ADGRG1: variants seen among roughly 807,000 people sequenced by gnomAD.
ADGRG1 encodes 7-transmembrane protein with no EGF-like N-terminal domains-1.
A neutral mutation model predicts 73.5 loss-of-function variants in ADGRG1; 53 were observed. That is an observed-to-expected ratio of 0.72 (90% CI 0.58 to 0.91). The LOEUF is 0.91. Among genes scored for constraint, ADGRG1 ranks in the 40% least tolerant of loss-of-function variants. The probability of loss-of-function intolerance (pLI) is 0.00; values close to 1 mark genes in which losing one functional copy is unlikely to be tolerated. For missense variants in ADGRG1, 795 were observed against 871.8 expected (o/e 0.91, Z 1.11); for synonymous variants, 394 against 374.4 (o/e 1.05, Z -0.60).
At position 57,663,608 on chromosome 16, in the gene ADGRG1, T is replaced by TGAAGCAGA; in HGVS notation, c.*29_*36dup. 6.2e-7 allele frequency: 1 copy of TGAAGCAGA among 1,610,446 alleles called. No individual in the cohort carries two copies. The highest frequency in any genetic ancestry group is 8.5e-7 in the Non-Finnish European group (1 of 1,179,488). ...GCCTCCAGCCCACCTGCCCATGTGA[T>TGAAGCAGA]GAAGCAGAGATTCGGCCTCGTCGCA... On this transcript the variant is annotated 3_prime_UTR_variant, in exon 14 of 14. Transcript: ENST00000562631.
At chr16:57,626,491 C>T (rs2035845175), upstream of ADGRG1, 1 of 613,074 alleles carries the variant, frequency 1.6e-6, no homozygotes. Flanking sequence ...GGGCCTGCTT[C>T]CTCACCTGCC....
chr16:57,622,667 G>C (rs1206686083), intron 2 of ADGRG1: 1 of 574,792 alleles, frequency 1.7e-6, no homozygotes, highest in Admixed American at 6.3e-5. Flanking sequence ...CTGGGGGCAG[G>C]GGTATGGCCA....
At chr16:57,627,691 C>T (rs1291521935), upstream of ADGRG1, 33 of 632,170 alleles carry the variant, frequency 5.2e-5, no homozygotes, top group Non-Finnish European at 6.3e-5. Flanking sequence ...GTAAAAGCCT[C>T]CCAGCACATC....
chr16:57,643,959 A>G (rs1473383347), intron 1 of ADGRG1: 5 of 984,782 alleles, frequency 5.1e-6, no homozygotes, highest in Non-Finnish European at 6.0e-6. Flanking sequence ...AGGGGTGTCT[A>G]CTTTGAGCTG....
intron 1 of ADGRG1, chr16:57,631,804 C>A (rs1484347319): frequency 1.0e-6 from 1 of 985,352 alleles, no homozygotes; most frequent in African/African-American, 1.7e-5. Flanking sequence ...GAGACCCTGC[C>A]CCTCCTCCTG....
At chr16:57,641,457 G>T (rs1180368313) in intron 1 of ADGRG1, 2 of 984,210 alleles carry the variant, frequency 2.0e-6, no homozygotes, top group Non-Finnish European at 2.4e-6. Flanking sequence ...CGGACTGCTG[G>T]CTCTTTGGCT....
At chr16:57,655,334 T>G in intron 5 of ADGRG1, 65 bp from the exon 6 acceptor site, 5 of 1,573,094 alleles carry the variant, frequency 3.2e-6, no homozygotes, top group Non-Finnish European at 3.5e-6. Flanking sequence ...TGTGTGTGTG[T>G]GCTAGGGTGG....
rs1292402396 is a variant in ADGRG1, at chr16:57,659,659, C to T, written c.1533C>T (p.Leu511=). Residue 511 remains leucine, a synonymous_variant, in exon 11 of 14, where the codon CTC becomes CTT. Transcript: ENST00000562631. ...VFGTYVPGYL[L]KLSAMGWGFP... ...GCACCTATGTCCCTGGCTACCTACTCAAGCTGAGCGCCATGGGCTGGGGTA... is the reference window on the plus strand; with the variant it reads ...GCACCTATGTCCCTGGCTACCTACTTAAGCTGAGCGCCATGGGCTGGGGTA... 2 of 1,613,948 alleles carry T rather than the reference C, an allele frequency of 1.2e-6. No individual in the cohort carries two copies. The highest frequency in any genetic ancestry group is 1.7e-6 in the Non-Finnish European group (2 of 1,180,014).
Position 57,663,682 on chromosome 16 carries a change from C to T in ADGRG1, c.*100C>T. ...GGCCCAGCCCCAGGCCAGTCAGCCG[C>T]AGACTTTGGAAAGCCCAACGACCAT... On this transcript the variant is annotated 3_prime_UTR_variant, in exon 14 of 14. Coordinates refer to ENST00000562631, the MANE Select transcript of ADGRG1 (RefSeq NM_201525.4). 2 of 1,381,268 alleles carry T rather than the reference C, an allele frequency of 1.4e-6. No individual in the cohort carries two copies. Among genetic ancestry groups the T allele is most frequent in the Non-Finnish European group, 2.0e-6 (2 of 985,700 alleles). 85.6% of individuals were successfully genotyped at this position (1,381,268 alleles called of 1,614,324 possible).
intron 1 of ADGRG1, chr16:57,635,288 T>C: frequency 1.0e-6 from 1 of 985,082 alleles, no homozygotes; most frequent in Non-Finnish European, 1.2e-6. Flanking sequence ...TCCTATGCCA[T>C]GGCTGTCCTG....
At chr16:57,658,559 C>T (rs920935962) in intron 10 of ADGRG1, among the ~76,000 whole-genome samples, 1 of 152,214 alleles carries the variant, frequency 6.6e-6, no homozygotes, top group African/African-American at 2.4e-5. Context: ...TGTGTGTGCA[C>T]AGCTGTGTAC....
chr16:57,635,249 C>T (rs1456039617), intron 1 of ADGRG1: 22 of 985,210 alleles, frequency 2.2e-5, no homozygotes, highest in African/African-American at 1.0e-4. Context: ...AAGAAACCCT[C>T]GTGCACAGCT....
chr16:57,631,855 G>A (rs1044598106), intron 1 of ADGRG1: 1 of 982,262 alleles, frequency 1.0e-6, no homozygotes, highest in African/African-American at 1.7e-5. Flanking sequence ...GCCCCCAGGG[G>A]AGCCCTGTAG....
At chr16:57,639,338 G>A (rs984457511) in intron 1 of ADGRG1, 2 of 985,414 alleles carry the variant, frequency 2.0e-6, no homozygotes, top group African/African-American at 3.5e-5. Context: ...GCTTTGCTGG[G>A]TCTGAGCCGG....
At chr16:57,660,908 G>A (rs750132005) in intron 12 of ADGRG1, 32 bp downstream of exon 12, 1 of 1,303,272 alleles carries the variant, frequency 7.7e-7, no homozygotes. Flanking sequence ...GGGCAAGAAG[G>A]TGGGTCTCTG....
chr16:57,646,479 C>G (rs1223650429), intron 1 of ADGRG1: 2 of 985,340 alleles, frequency 2.0e-6, no homozygotes, highest in South Asian at 9.4e-5. Context: ...CTGTTCTGTC[C>G]TGTGTGTGTT....
intron 1 of ADGRG1, chr16:57,629,911 T>G: frequency 1.6e-5 from 10 of 628,466 alleles, no homozygotes; most frequent in Non-Finnish European, 2.0e-5. Context: ...AGAGGTCTGA[T>G]GTTCATTTTA....
intron 1 of ADGRG1, chr16:57,647,890 C>G (rs1388505453): frequency 2.7e-6 from 1 of 377,150 alleles, no homozygotes; most frequent in Admixed American, 6.4e-5. Context: ...AGCTCTCTAC[C>G]TGTACTCCCC....
In ADGRG1 at chr16:57,628,915, AGAGTGAGTGT is replaced by A. The variant is rs1567667872; in HGVS notation, c.-36+119_-36+128del. The A allele has an allele frequency of 1.1e-4, 88 of 796,790 alleles. 2 individuals carry two copies. Among genetic ancestry groups the A allele is most frequent in the South Asian group, 4.8e-4 (8 of 16,798 alleles). The allele number at this position is 796,790 out of a possible 1,614,324, so 49.4% of individuals were successfully genotyped here. On this transcript the variant is annotated intron_variant, in intron 1 of 13. Coordinates refer to ENST00000562631, the MANE Select transcript of ADGRG1 (RefSeq NM_201525.4). ...GTGAGTGTGTGAGTGTGAGTGTGTG[AGAGTGAGTGT>A]GAGTGTGAGTGTGAGCGTGAGAGTG...
Sources: allele counts gnomAD v4.1 joint callset (sites outside exome capture counted in the v4.1 genomes callset), GRCh38; gene constraint gnomAD v4.1.1; transcripts MANE v1.5; gene names NCBI Gene and HGNC (gene_info 2026-07-23, HGNC 2026-07-21).